Variants in PODXL2 observed in about 807,000 individuals in gnomAD.
PODXL2 encodes the protein podocalyxin like 2.
A neutral mutation model predicts 53.4 loss-of-function variants in PODXL2; 17 were observed. That is an observed-to-expected ratio of 0.32 (90% CI 0.22 to 0.48). The LOEUF is 0.48. PODXL2 is among the 20% of genes least tolerant of loss of function. The probability of loss-of-function intolerance (pLI) is 0.99; values close to 1 mark genes in which losing one functional copy is unlikely to be tolerated. For missense variants in PODXL2, 673 were observed against 760.0 expected (o/e 0.89, Z 1.35); for synonymous variants, 311 against 306.7 (o/e 1.01, Z -0.15).
chr3:127,650,971 A>G (rs972754956), intron 2 of PODXL2, among the ~76,000 whole-genome samples: 1 of 152,112 alleles, frequency 6.6e-6, no homozygotes, highest in African/African-American at 2.4e-5. Context: ...AATACTCCTA[A>G]AACTGTGGTG....
chr3:127,633,310 A>G (rs1490401813), intron 1 of PODXL2, among the ~76,000 whole-genome samples: 1 of 152,216 alleles, frequency 6.6e-6, no homozygotes, highest in Non-Finnish European at 1.5e-5. Flanking sequence ...ACCCAGCCCC[A>G]CAAGTAATAG....
intron 1 of PODXL2, among the ~76,000 whole-genome samples, chr3:127,633,472 TTGTG>T (rs60042269): frequency 6.5e-4 from 92 of 140,644 alleles, no homozygotes; most frequent in Middle Eastern, 3.6e-3. Context: ...ATTACAAATT[TTGTG>T]TGTGTGTGTG....
At chr3:127,664,713 G>C (rs1018688074) in intron 4 of PODXL2, among the ~76,000 whole-genome samples, 2 of 151,470 alleles carry the variant, frequency 1.3e-5, no homozygotes, top group African/African-American at 2.4e-5. Flanking sequence ...GAGGTATTTG[G>C]TTGGTGCAAA....
chr3:127,639,306 C>T lies in PODXL2; in HGVS notation c.132C>T (p.Ser44=), dbSNP rs1241734040. ...AGCCTGGCCCAGAGGGCCTCACCTC[C>T]ACCTCCCTGCTAGACCTCCTGCTGC... ...SDEPGPEGLT[S]TSLLDLLLPT... The change falls in exon 2 of 8, where the codon TCC becomes TCT. Residue 44 remains serine (S), a synonymous_variant. Coordinates refer to ENST00000342480, the MANE Select transcript of PODXL2 (RefSeq NM_015720.4). The T allele has an allele frequency of 4.3e-6, 7 of 1,613,780 alleles. No homozygotes were observed. The highest frequency in any genetic ancestry group is 1.7e-5 in the Admixed American group (1 of 60,022).
At chr3:127,637,876 T>C (rs1216002647) in intron 1 of PODXL2, among the ~76,000 whole-genome samples, 1 of 152,198 alleles carries the variant, frequency 6.6e-6, no homozygotes. Flanking sequence ...GTCACAGTAT[T>C]GGCACGTATC....
chr3:127,639,702 C>A (rs959273809), intron 2 of PODXL2, among the ~76,000 whole-genome samples, 179 bp downstream of exon 2: 1 of 152,224 alleles, frequency 6.6e-6, no homozygotes, highest in East Asian at 1.9e-4. Flanking sequence ...TCTCACAGGC[C>A]CAGGAGGCCC....
intron 4 of PODXL2, among the ~76,000 whole-genome samples, chr3:127,664,558 A>T (rs552973915): frequency 3.9e-5 from 6 of 152,110 alleles, no homozygotes; most frequent in Admixed American, 3.3e-4. Context: ...TCTATTTTAA[A>T]TTTTTTTGAG....
intron 2 of PODXL2, 39 bp from the exon 3 acceptor site, chr3:127,660,339 G>A (rs2074756817): frequency 6.3e-7 from 1 of 1,592,792 alleles, no homozygotes; most frequent in African/African-American, 1.3e-5. Context: ...AGCAATGAAT[G>A]ATGAAACAAG....
chr3:127,672,239 G>A (rs1462787510), intron 7 of PODXL2, 29 bp from the exon 8 acceptor site: 2 of 1,529,278 alleles, frequency 1.3e-6, no homozygotes, highest in East Asian at 4.9e-5. Context: ...TGGCTCGCTC[G>A]CCCATGGCCT....
At chr3:127,668,415 A>G (rs747744479) in intron 4 of PODXL2, 26 bp from the exon 5 acceptor site, 2 of 1,498,178 alleles carry the variant, frequency 1.3e-6, no homozygotes, top group South Asian at 1.4e-5. Flanking sequence ...TTCACTGAAC[A>G]CGGGGGGCTC....
chr3:127,638,845 G>A (rs539666054), intron 1 of PODXL2, among the ~76,000 whole-genome samples: 8 of 152,180 alleles, frequency 5.3e-5, no homozygotes, highest in Non-Finnish European at 7.4e-5. Context: ...CACTGTGTTC[G>A]TCCAATCATA....
chr3:127,656,085 G>A (rs1315824172), intron 2 of PODXL2, among the ~76,000 whole-genome samples: 1 of 152,244 alleles, frequency 6.6e-6, no homozygotes, highest in Non-Finnish European at 1.5e-5. Context: ...GTTAGGTGCT[G>A]GGAATGTAGG....
Position 127,671,477 on chromosome 3 carries a change from G to T in PODXL2, c.1469G>T (p.Arg490Leu). The stretch of plus-strand genomic sequence containing the variant: ...TCCACAACCAGCAGCTGCCAGGCGC[G>T]GGCCAGCCAGGTGCGCAGCGACTAC... ...NYSTTSSCQA[R>L]ASQVRSDYGT... is the part of the protein sequence containing the mutation. Residue 490 changes from arginine (R) to leucine (L), a missense_variant, in exon 7 of 8, where the codon CGG (arginine) becomes CTG (leucine). By Grantham distance (102) the Arg-to-Leu change is moderately radical. Transcript: ENST00000342480. 1 of 1,614,094 alleles carries T rather than the reference G, an allele frequency of 6.2e-7. No individual in the cohort carries two copies. Among genetic ancestry groups the T allele is most frequent in the Non-Finnish European group, 8.5e-7 (1 of 1,179,996 alleles).
intron 2 of PODXL2, among the ~76,000 whole-genome samples, chr3:127,658,285 G>A (rs1363949611): frequency 6.6e-6 from 1 of 151,764 alleles, no homozygotes; most frequent in African/African-American, 2.4e-5. Flanking sequence ...TGAAATAATC[G>A]TTCTCAGAGC....
chr3:127,649,279 A>G (rs549503645), intron 2 of PODXL2, among the ~76,000 whole-genome samples: 3 of 152,322 alleles, frequency 2.0e-5, no homozygotes, highest in South Asian at 4.1e-4. Context: ...AGGCGGGTCT[A>G]TCATTTCTTT....
intron 2 of PODXL2, 129 bp from the exon 3 acceptor site, chr3:127,660,249 C>G (rs1235094309): frequency 3.4e-6 from 4 of 1,172,312 alleles, no homozygotes; most frequent in South Asian, 1.6e-5. Flanking sequence ...CCCCTGGCCT[C>G]TCCATCATGA....
chr3:127,646,641 C>T (rs1446775551), intron 2 of PODXL2, among the ~76,000 whole-genome samples: 1 of 152,160 alleles, frequency 6.6e-6, no homozygotes, highest in South Asian at 2.1e-4. Context: ...CCGTCTCGGC[C>T]GCCCAAAGTG....
chr3:127,669,084 G>A (rs1301079467), intron 5 of PODXL2, 57 bp from the exon 6 acceptor site: 3 of 1,218,358 alleles, frequency 2.5e-6, no homozygotes, highest in Non-Finnish European at 2.3e-6. Context: ...CAGAGCCCTT[G>A]GAGGGGCACG....
Position 127,629,358 on chromosome 3 carries a change from C to A in PODXL2, c.70+69C>A. On this transcript the variant is annotated intron_variant, in intron 1 of 7. Transcript: ENST00000342480. This position sits in a 1 kb window ranked among gnomAD's most constrained non-coding sequence, Gnocchi z 6.4. ...GTGGGCGCGGTGCTGGACAGCTCCC[C>A]GGGCCGCCAACAAAGGGGCCAGAGT... 1 of 996,592 alleles carries A rather than the reference C, an allele frequency of 1.0e-6. No homozygotes were observed. The highest frequency in any genetic ancestry group is 4.5e-5 in the South Asian group (1 of 22,158). 61.7% of individuals were successfully genotyped at this position (996,592 alleles called of 1,614,324 possible).
Sources: allele counts gnomAD v4.1 joint callset (sites outside exome capture counted in the v4.1 genomes callset), GRCh38; gene constraint gnomAD v4.1.1; non-coding constraint Gnocchi (gnomAD v3.1); transcripts MANE v1.5; gene names NCBI Gene and HGNC (gene_info 2026-07-23, HGNC 2026-07-21).